Variants in SLC31A1 observed in about 807,000 individuals in gnomAD.
The protein encoded by SLC31A1 is high affinity copper uptake protein 1.
Under a neutral mutation model 17.2 loss-of-function variants are expected in SLC31A1, and 5 were observed. The ratio of observed to expected loss-of-function variants is 0.29; its 90% confidence interval spans 0.15 to 0.61. The LOEUF is 0.61. Among genes scored for constraint, SLC31A1 ranks in the 20% least tolerant of loss-of-function variants. The pLI, the probability that SLC31A1 is intolerant of heterozygous loss-of-function variation, is 0.86. For synonymous variants in SLC31A1, 76 were observed against 78.8 expected, an observed-to-expected ratio of 0.96 and a Z score of 0.19; for missense variants, 161 against 241.4, an observed-to-expected ratio of 0.67 and a Z score of 2.21.
At position 113,226,042 on chromosome 9, in the gene SLC31A1, G is replaced by A. The variant is rs1421922149; in HGVS notation, c.-36+4364G>A. Reference sequence around the variant, plus strand: ...CCAGCTACTCAGGAGACGGAGGCACGAGAATTGCTTGAGCTCCGGAGAGGC... The same window carrying A: ...CCAGCTACTCAGGAGACGGAGGCACAAGAATTGCTTGAGCTCCGGAGAGGC... On this transcript the variant is annotated intron_variant, in intron 1 of 4. Coordinates refer to ENST00000374212, the MANE Select transcript of SLC31A1 (RefSeq NM_001859.4). 5.3e-5 allele frequency among the ~76,000 whole-genome samples: 8 copies of A among 151,860 alleles called. No homozygotes were observed. The East Asian group carries it at 7.7e-4, about 15-fold the overall frequency.
At chr9:113,233,247 C>G (rs534998375) in intron 1 of SLC31A1, among the ~76,000 whole-genome samples, 1 of 152,280 alleles carries the variant, frequency 6.6e-6, no homozygotes, top group South Asian at 2.1e-4. Flanking sequence ...ACAGTTTTAC[C>G]GGTTAGAGAA....
chr9:113,251,133 G>GT (rs1199518870), intron 1 of SLC31A1, among the ~76,000 whole-genome samples: 1 of 152,148 alleles, frequency 6.6e-6, no homozygotes, highest in Non-Finnish European at 1.5e-5. Flanking sequence ...CAAATAATTT[G>GT]TAAATTTGGC....
At position 113,263,065 on chromosome 9, in the gene SLC31A1, A is replaced by AG. The variant is rs555375835; in HGVS notation, c.*2594dup. The AG allele has an allele frequency of 4.9e-4, 75 of 152,414 alleles. No homozygotes were observed. Among genetic ancestry groups the AG allele is most frequent in the African/African-American group, 1.8e-3 (74 of 41,578 alleles). The allele number at this position is 152,414 out of a possible 1,614,324, so 9.4% of individuals were successfully genotyped here. A position where few individuals can be genotyped will look rare whatever the true frequency, so the allele number is the denominator to read the frequency against. On this transcript the variant is annotated 3_prime_UTR_variant, in exon 5 of 5. Coordinates refer to ENST00000374212, the MANE Select transcript of SLC31A1 (RefSeq NM_001859.4). ...TCCTGGCTATTTGGGAGGCTGAGGC[A>AG]GGAGGATTGCTTTAGCCCTGGAGGT...
intron 1 of SLC31A1, among the ~76,000 whole-genome samples, chr9:113,253,247 G>A (rs955524211): frequency 7.9e-5 from 12 of 152,042 alleles, no homozygotes; most frequent in African/African-American, 2.7e-4. Context: ...GAGCCACCGC[G>A]CCTGGCCAAG....
intron 1 of SLC31A1, among the ~76,000 whole-genome samples, chr9:113,240,738 C>G (rs1831512170): frequency 6.6e-6 from 1 of 152,000 alleles, no homozygotes; most frequent in Non-Finnish European, 1.5e-5. Flanking sequence ...AAAACGCATA[C>G]AAATGTCAAA....
At chr9:113,238,377 A>G (rs1831486094) in intron 1 of SLC31A1, among the ~76,000 whole-genome samples, 1 of 152,206 alleles carries the variant, frequency 6.6e-6, no homozygotes, top group South Asian at 2.1e-4. Context: ...TGTTTCCCCA[A>G]AAGAACTCAA....
chr9:113,247,074 C>A (rs894967932), intron 1 of SLC31A1, among the ~76,000 whole-genome samples: 1 of 152,182 alleles, frequency 6.6e-6, no homozygotes, highest in African/African-American at 2.4e-5. Context: ...ATCATGTGGA[C>A]ATAGTCCATA....
Position 113,260,532 on chromosome 9 carries a change from G to A in SLC31A1, c.*59G>A, listed in dbSNP as rs188537312. 1.0e-3 allele frequency: 1,413 copies of A among 1,397,236 alleles called. 15 individuals are homozygous for A. The African/African-American group carries it at 0.018, about 18-fold the overall frequency. 86.6% of individuals were successfully genotyped at this position (1,397,236 alleles called of 1,614,324 possible). On this transcript the variant is annotated 3_prime_UTR_variant, in exon 5 of 5. Transcript: ENST00000374212. ...AGTGGGAAGTTGTTGAAGACTTGAA[G>A]ACGTGATTCCTGCTCCAATCATCCC...
At chr9:113,256,545 A>C in intron 2 of SLC31A1, 1 of 359,802 alleles carries the variant, frequency 2.8e-6, no homozygotes, top group Non-Finnish European at 5.1e-6. Context: ...TCTGGTCTTT[A>C]TGCCTTGGGT....
At chr9:113,245,989 C>G (rs896716509) in intron 1 of SLC31A1, among the ~76,000 whole-genome samples, 3 of 152,026 alleles carry the variant, frequency 2.0e-5, no homozygotes, top group Admixed American at 6.6e-5. Flanking sequence ...TTTCCTACAT[C>G]TCCTTTGCCA....
intron 1 of SLC31A1, among the ~76,000 whole-genome samples, chr9:113,241,548 G>A (rs1427540099): frequency 1.3e-5 from 2 of 152,210 alleles, no homozygotes; most frequent in African/African-American, 4.8e-5. Flanking sequence ...ACCATGCAAT[G>A]ACTGCTAAGG....
intron 1 of SLC31A1, among the ~76,000 whole-genome samples, chr9:113,252,355 G>T (rs1032631555): frequency 2.0e-5 from 3 of 152,172 alleles, no homozygotes; most frequent in Non-Finnish European, 2.9e-5. Flanking sequence ...GAGTGCAATG[G>T]CACAATCTCG....
chr9:113,252,002 T>A (rs16931198), intron 1 of SLC31A1, among the ~76,000 whole-genome samples: 1,723 of 152,372 alleles, frequency 0.011, 36 homozygotes, highest in African/African-American at 0.039. Flanking sequence ...GCTCTTGTTC[T>A]ATCTCCTAGT....
At chr9:113,252,088 T>A (rs1831660599) in intron 1 of SLC31A1, among the ~76,000 whole-genome samples, 1 of 152,328 alleles carries the variant, frequency 6.6e-6, no homozygotes, top group African/African-American at 2.4e-5. Flanking sequence ...TTTCTTGGGA[T>A]TTGTATATAC....
chr9:113,233,412 C>T (rs575016132), intron 1 of SLC31A1, among the ~76,000 whole-genome samples: 25 of 152,212 alleles, frequency 1.6e-4, no homozygotes, highest in African/African-American at 5.8e-4. Context: ...GTTGACAAAC[C>T]CTGGAGAGGT....
intron 1 of SLC31A1, among the ~76,000 whole-genome samples, chr9:113,232,589 T>C (rs780394174): frequency 1.2e-4 from 18 of 151,316 alleles, no homozygotes; most frequent in Non-Finnish European, 2.5e-4. Flanking sequence ...CTCAGCACTT[T>C]GGGAGGCTAA....
chr9:113,223,307 A>G (rs4641140), intron 1 of SLC31A1: 34,893 of 425,680 alleles, frequency 0.082, 2,573 homozygotes, highest in East Asian at 0.33. Context: ...CAGGCTTTGA[A>G]CTGCAGGACT....
rs1215207346 is a variant in SLC31A1 at position 113,261,502 on chromosome 9, T to A, written c.*1029T>A. Reference sequence around the variant, plus strand: ...GCCAATCAAAAAATGACAATCAATTTGAGAAAATAGAAATAGATATTTTTA... The same window carrying A: ...GCCAATCAAAAAATGACAATCAATTAGAGAAAATAGAAATAGATATTTTTA... On this transcript the variant is annotated 3_prime_UTR_variant, in exon 5 of 5. Transcript: ENST00000374212. 1 of 152,664 alleles carries A rather than the reference T, an allele frequency of 6.6e-6. No homozygotes were observed. The highest frequency in any genetic ancestry group is 2.4e-5 in the African/African-American group (1 of 41,456). 9.5% of individuals were successfully genotyped at this position (152,664 alleles called of 1,614,324 possible). A position where few individuals can be genotyped will look rare whatever the true frequency, so the allele number is the denominator to read the frequency against.
At chr9:113,225,239 G>A (rs1273125303) in intron 1 of SLC31A1, among the ~76,000 whole-genome samples, 2 of 152,204 alleles carry the variant, frequency 1.3e-5, no homozygotes, top group Non-Finnish European at 2.9e-5. Context: ...AGTTCTGTGG[G>A]ATAGTTTGCT....
Sources: gnomAD v4.1 joint callset for allele counts (sites outside exome capture counted in the v4.1 genomes callset) on GRCh38, gnomAD v4.1.1 for gene constraint, MANE v1.5 for transcripts, NCBI Gene and HGNC (gene_info 2026-07-23, HGNC 2026-07-21) for gene names.